The following FIG4 variants were observed in gnomAD, a reference collection of about 807,000 sequenced individuals.
FIG4 encodes polyphosphoinositide phosphatase.
Under a neutral mutation model 118.6 loss-of-function variants are expected in FIG4, and 112 were observed. That is an observed-to-expected ratio of 0.94 (90% CI 0.81 to 1.11). The LOEUF (loss-of-function observed/expected upper bound fraction) is 1.11, where lower values mean the gene tolerates loss of function less well. FIG4 is among the 50% of genes least tolerant of loss of function. The pLI is 0.00. For synonymous variants in FIG4, 369 were observed against 381.2 expected, an observed-to-expected ratio of 0.97 and a Z score of 0.37; for missense variants, 969 against 1,111.7, an observed-to-expected ratio of 0.87 and a Z score of 1.83.
Position 109,691,376 on chromosome 6 carries a change from A to C in FIG4, c.-60A>C. On this transcript the variant is annotated 5_prime_UTR_variant, in exon 1 of 23. Transcript: ENST00000230124. ...CAGGGCCTGAGGGGTTTTCTCGCCG[A>C]GTCTCCTGGGGCGGTCCGGAGGCTC... is the stretch of plus-strand genomic sequence containing the variant. The C allele has an allele frequency of 7.1e-7, 1 of 1,417,482 alleles. No homozygotes were observed. The highest frequency in any genetic ancestry group is 9.8e-7 in the Non-Finnish European group (1 of 1,024,160). The allele number at this position is 1,417,482 out of a possible 1,614,324, so 87.8% of individuals were successfully genotyped here. A position where few individuals can be genotyped will look rare whatever the true frequency, so the allele number is the denominator to read the frequency against.
At chr6:109,783,819 A>G (rs751041335) in intron 16 of FIG4, among the ~76,000 whole-genome samples, 2 of 152,244 alleles carry the variant, frequency 1.3e-5, no homozygotes, top group Admixed American at 6.5e-5. Flanking sequence ...AGTGATTTAC[A>G]TGCACATTGA....
intron 17 of FIG4, among the ~76,000 whole-genome samples, chr6:109,785,270 AATT>A: frequency 6.6e-6 from 1 of 152,306 alleles, no homozygotes; most frequent in South Asian, 2.1e-4. Flanking sequence ...TGTGTCTTAC[AATT>A]ATTATGTGTC....
rs1195977672 is a variant in FIG4 at position 109,822,781 on chromosome 6, G to GTGTA, written c.2547-2301_2547-2298dup. 2.9e-3 allele frequency among the ~76,000 whole-genome samples: 161 copies of GTGTA among 55,528 alleles called. 1 individual carries two copies. Among genetic ancestry groups the GTGTA allele is most frequent in the African/African-American group, 0.011 (152 of 14,192 alleles). 36.4% of individuals were successfully genotyped at this position (55,528 alleles called of 152,430 possible). On this transcript the variant is annotated intron_variant, in intron 22 of 22. Transcript: ENST00000230124. ...TTGAAGTGTATATATATGTGTGTGT[G>GTGTA]TGTATGTATATATATATATATATAT...
At chr6:109,718,005 G>A (rs1775486179) in intron 3 of FIG4, among the ~76,000 whole-genome samples, 1 of 152,178 alleles carries the variant, frequency 6.6e-6, no homozygotes, top group Admixed American at 6.5e-5. Flanking sequence ...ATAAAGAAAA[G>A]AGGCTTAATT....
At chr6:109,760,969 C>G (rs76885166) in intron 11 of FIG4, among the ~76,000 whole-genome samples, 352 of 152,320 alleles carry the variant, frequency 2.3e-3, no homozygotes, top group African/African-American at 8.3e-3. Context: ...CAAAACTCAT[C>G]TCTTCTAAGG....
chr6:109,762,556 AGTATT>A (rs1264211032), intron 12 of FIG4, among the ~76,000 whole-genome samples: 5 of 151,042 alleles, frequency 3.3e-5, no homozygotes, highest in Non-Finnish European at 1.5e-5. Flanking sequence ...TTATAAAAAT[AGTATT>A]GTATTATAGT....
Position 109,763,916 on chromosome 6 carries a change from AGT to A in FIG4, c.1389-18_1389-17del. ...GTATTCTGCCATTAAGTTTTTTAAAAGTGTTTATTTTTAAACACAGGTGGAAT... is the reference window on the plus strand; with the variant it reads ...GTATTCTGCCATTAAGTTTTTTAAAAGTTTATTTTTAAACACAGGTGGAAT... On this transcript the variant is annotated intron_variant, in intron 12 of 22. Coordinates refer to ENST00000230124, the MANE Select transcript of FIG4 (RefSeq NM_014845.6). 1 of 1,578,190 alleles carries A rather than the reference AGT, an allele frequency of 6.3e-7. No individual in the cohort carries two copies. The highest frequency in any genetic ancestry group is 8.7e-7 in the Non-Finnish European group (1 of 1,147,360).
chr6:109,749,485 T>C (rs1454411886), intron 10 of FIG4, among the ~76,000 whole-genome samples: 4 of 151,956 alleles, frequency 2.6e-5, no homozygotes, highest in Admixed American at 2.6e-4. Flanking sequence ...ATATTGTTAG[T>C]ATGGAAATAA....
Position 109,691,475 on chromosome 6 carries a change from A to G in FIG4, c.40A>G (p.Lys14Glu). ...CGCCCCCATCATCAGCTCGGTCCAG[A>G]AGCTGGTTCTGTATGAGACTAGAGC... ...AAAPIISSVQKLVLYETRARY... is the reference protein window; with the variant it reads ...AAAPIISSVQELVLYETRARY... The change falls in exon 1 of 23, where the codon AAG (lysine) becomes GAG (glutamate). Residue 14 changes from lysine to glutamate, a missense_variant. Coordinates refer to ENST00000230124, the MANE Select transcript of FIG4 (RefSeq NM_014845.6). 6.3e-7 allele frequency: 1 copy of G among 1,585,514 alleles called. No homozygotes were observed. Among genetic ancestry groups the G allele is most frequent in the Admixed American group, 1.8e-5 (1 of 56,260 alleles).
At chr6:109,756,983 C>T (rs534803991) in intron 10 of FIG4, among the ~76,000 whole-genome samples, 3 of 152,208 alleles carry the variant, frequency 2.0e-5, no homozygotes, top group African/African-American at 7.2e-5. Flanking sequence ...TGGTGAGGAA[C>T]TGCATTCCTC....
intron 4 of FIG4, among the ~76,000 whole-genome samples, chr6:109,731,786 T>C (rs1776009258): frequency 6.6e-6 from 1 of 152,146 alleles, no homozygotes; most frequent in Non-Finnish European, 1.5e-5. Flanking sequence ...AGGGAGGACC[T>C]GAAACCAATC....
At chr6:109,819,116 C>A (rs1310430543) in intron 22 of FIG4, among the ~76,000 whole-genome samples, 1 of 152,082 alleles carries the variant, frequency 6.6e-6, no homozygotes, top group Non-Finnish European at 1.5e-5. Context: ...TTCATTAGGT[C>A]CAGATAGAGC....
chr6:109,708,358 C>T (rs886102342), intron 1 of FIG4, among the ~76,000 whole-genome samples: 1 of 152,170 alleles, frequency 6.6e-6, no homozygotes, highest in African/African-American at 2.4e-5. Flanking sequence ...TTTCTTTATC[C>T]AGTCTATCAC....
intron 1 of FIG4, among the ~76,000 whole-genome samples, chr6:109,709,321 G>T (rs922246546): frequency 6.6e-6 from 1 of 152,032 alleles, no homozygotes; most frequent in Non-Finnish European, 1.5e-5. Flanking sequence ...ATTGGTCTGC[G>T]TGTCTGTTTT....
chr6:109,695,880 A>G lies in FIG4; in HGVS notation c.66+4379A>G, dbSNP rs1372145807. ...AGCCATCAAGTGGAAAGTTTGCTCA[A>G]CTTTAAATTTTCAGGCAGAATTGTG... is the stretch of plus-strand genomic sequence containing the variant. On this transcript the variant is annotated intron_variant, in intron 1 of 22. Transcript: ENST00000230124. Among the ~76,000 whole-genome samples the G allele has an allele frequency of 5.3e-5, 8 of 152,342 alleles. No individual in the cohort carries two copies. In the East Asian group the frequency reaches 1.3e-3, roughly 26 times the overall value.
rs752439160 is a variant in FIG4 at position 109,819,972 on chromosome 6, C to G, written c.2547-5116C>G. ...AAAAAGAGCAAAAAGTCTGTACAGC[C>G]TCAGCAAAAGTTGCTCCCACTCACA... On this transcript the variant is annotated intron_variant, in intron 22 of 22. Coordinates refer to ENST00000230124, the MANE Select transcript of FIG4 (RefSeq NM_014845.6). Among the ~76,000 whole-genome samples, 9 of 152,172 alleles carry G rather than the reference C, an allele frequency of 5.9e-5. No individual in the cohort carries two copies. In the East Asian group the frequency reaches 1.5e-3, roughly 26 times the overall value.
At chr6:109,757,119 A>G (rs1280200396) in intron 10 of FIG4, among the ~76,000 whole-genome samples, 1 of 152,124 alleles carries the variant, frequency 6.6e-6, no homozygotes, top group Non-Finnish European at 1.5e-5. Context: ...TCTGGCTAAC[A>G]GTCTATTTTG....
At chr6:109,804,321 T>C (rs888362701) in intron 22 of FIG4, among the ~76,000 whole-genome samples, 5 of 152,130 alleles carry the variant, frequency 3.3e-5, no homozygotes, top group Non-Finnish European at 7.4e-5. Flanking sequence ...TTGGGGCAGA[T>C]GGAGTGATTA....
intron 15 of FIG4, among the ~76,000 whole-genome samples, chr6:109,769,815 A>T (rs555925300): frequency 7.9e-5 from 12 of 152,228 alleles, no homozygotes; most frequent in African/African-American, 2.9e-4. Context: ...GCTATGTGAG[A>T]GCCTAAGGGC....
Sources: allele counts gnomAD v4.1 joint callset (sites outside exome capture counted in the v4.1 genomes callset), GRCh38; gene constraint gnomAD v4.1.1; transcripts MANE v1.5; gene names NCBI Gene and HGNC (gene_info 2026-07-23, HGNC 2026-07-21).